ADAMTS12: variants seen among roughly 807,000 people sequenced by gnomAD.
The protein encoded by ADAMTS12 is ADAM metallopeptidase with thrombospondin type 1 motif 12.
Under a neutral mutation model 167.8 loss-of-function variants are expected in ADAMTS12, and 118 were observed. That is an observed-to-expected ratio of 0.70 (90% CI 0.61 to 0.82). The LOEUF (loss-of-function observed/expected upper bound fraction) is 0.82. Ranked by LOEUF, ADAMTS12 falls within the 40% of genes least tolerant of loss-of-function variation. The pLI, the probability that ADAMTS12 is intolerant of heterozygous loss-of-function variation, is 0.00. For missense variants in ADAMTS12, 1,916 were observed against 1,998.8 expected, an observed-to-expected ratio of 0.96 and a Z score of 0.79; for synonymous variants, 704 against 716.9, an observed-to-expected ratio of 0.98 and a Z score of 0.29.
intron 19 of ADAMTS12, among the ~76,000 whole-genome samples, chr5:33,570,142 G>A (rs1204843263): frequency 6.6e-6 from 1 of 152,114 alleles, no homozygotes; most frequent in Non-Finnish European, 1.5e-5. Flanking sequence ...AAAGTGACGG[G>A]GAGAATGGAA....
At chr5:33,759,142 T>G (rs1470277497) in intron 2 of ADAMTS12, among the ~76,000 whole-genome samples, 1 of 152,222 alleles carries the variant, frequency 6.6e-6, no homozygotes, top group Non-Finnish European at 1.5e-5. Context: ...ATCCCAGGCA[T>G]CTTCTTGGCC....
intron 2 of ADAMTS12, among the ~76,000 whole-genome samples, chr5:33,781,375 G>T (rs1430165160): frequency 6.6e-6 from 1 of 152,224 alleles, no homozygotes; most frequent in South Asian, 2.1e-4. Flanking sequence ...AAGTACATGA[G>T]AATCACACAG....
At chr5:33,796,172 C>A (rs1164752865) in intron 2 of ADAMTS12, among the ~76,000 whole-genome samples, 1 of 152,170 alleles carries the variant, frequency 6.6e-6, no homozygotes, top group Non-Finnish European at 1.5e-5. Context: ...CTGCCACTGC[C>A]ATCTTCTTCA....
chr5:33,734,528 T>C (rs924830486), intron 3 of ADAMTS12, among the ~76,000 whole-genome samples: 1 of 152,240 alleles, frequency 6.6e-6, no homozygotes, highest in Non-Finnish European at 1.5e-5. Flanking sequence ...ACAGCTAACA[T>C]GTTTTCCACA....
rs571371261 is a variant in ADAMTS12 at position 33,783,550 on chromosome 5, T to C, written c.490-32002A>G. Among the ~76,000 whole-genome samples the C allele has an allele frequency of 3.6e-3, 547 of 151,954 alleles. 6 individuals are homozygous for C. Among genetic ancestry groups the C allele is most frequent in the African/African-American group, 0.013 (530 of 41,542 alleles). ...ACAGAAATAAAAGAGAAAACATCAC[T>C]ATCTGCCCCGCAGAAATTAAAAGAA... On this transcript the variant is annotated intron_variant, in intron 2 of 23. Transcript: ENST00000504830.
At chr5:33,553,939 A>AC (rs1361761574) in intron 20 of ADAMTS12, among the ~76,000 whole-genome samples, 6 of 152,062 alleles carry the variant, frequency 3.9e-5, no homozygotes, top group African/African-American at 1.4e-4. Flanking sequence ...CCTTCTCCCC[A>AC]CCCCACTTTC....
intron 3 of ADAMTS12, among the ~76,000 whole-genome samples, chr5:33,739,477 A>ATGCATG (rs1744490547): frequency 6.6e-6 from 1 of 152,200 alleles, no homozygotes; most frequent in South Asian, 2.1e-4. Flanking sequence ...GTGTATGTGC[A>ATGCATG]TGTGCATGCA....
In ADAMTS12 at chr5:33,643,428, G is replaced by T. The variant is rs143654915; in HGVS notation, c.1522C>A (p.Arg508Ser). ...TLWCSVKGFC[R>S]SKLDAAADGT... is the part of the protein sequence containing the mutation. ...TCTGCAGCAGCGTCCAGCTTAGAGC[G>T]ACAAAAGCCCTTCACGGAGCACCAC... Residue 508 changes from arginine to serine, a missense_variant, in exon 10 of 24, where the codon CGC (arginine) becomes AGC (serine). Coordinates refer to ENST00000504830, the MANE Select transcript of ADAMTS12 (RefSeq NM_030955.4). 1 of 1,614,102 alleles carries T rather than the reference G, an allele frequency of 6.2e-7. No homozygotes were observed. The highest frequency in any genetic ancestry group is 1.1e-5 in the South Asian group (1 of 91,078).
At chr5:33,867,727 TATTA>T (rs1749879024) in intron 2 of ADAMTS12, among the ~76,000 whole-genome samples, 1 of 152,180 alleles carries the variant, frequency 6.6e-6, no homozygotes, top group African/African-American at 2.4e-5. Flanking sequence ...AAGTTAAAAT[TATTA>T]ATTGTGATGC....
intron 22 of ADAMTS12, 50 bp from the exon 23 acceptor site, chr5:33,535,042 A>G (rs537932798): frequency 7.9e-5 from 120 of 1,528,510 alleles, no homozygotes; most frequent in Non-Finnish European, 1.0e-4. Flanking sequence ...ACGACTCCCA[A>G]GGAAACACCA....
At chr5:33,748,227 CACCAAA>C (rs1744858555) in intron 3 of ADAMTS12, among the ~76,000 whole-genome samples, 1 of 152,180 alleles carries the variant, frequency 6.6e-6, no homozygotes, top group East Asian at 1.9e-4. Context: ...ATCATGTTCT[CACCAAA>C]AAGCCTTAGA....
intron 5 of ADAMTS12, among the ~76,000 whole-genome samples, chr5:33,678,689 G>A (rs982219110): frequency 6.6e-6 from 1 of 152,180 alleles, no homozygotes; most frequent in African/African-American, 2.4e-5. Flanking sequence ...AATAGCGAGA[G>A]ATGAGAAAGG....
At chr5:33,604,318 A>G (rs1738325230) in intron 16 of ADAMTS12, among the ~76,000 whole-genome samples, 1 of 152,172 alleles carries the variant, frequency 6.6e-6, no homozygotes, top group South Asian at 2.1e-4. Flanking sequence ...CCTGGCCAAC[A>G]TGGCGAAACC....
intron 18 of ADAMTS12, among the ~76,000 whole-genome samples, chr5:33,579,088 A>G (rs256649): frequency 0.2 from 30,702 of 152,204 alleles, 3,221 homozygotes; most frequent in Non-Finnish European, 0.23. Context: ...CCCTGGACCT[A>G]GAAAGGGAAG....
At chr5:33,808,015 G>C (rs1747306862) in intron 2 of ADAMTS12, among the ~76,000 whole-genome samples, 1 of 152,156 alleles carries the variant, frequency 6.6e-6, no homozygotes, top group Non-Finnish European at 1.5e-5. Context: ...GTTAGCAGTA[G>C]AGGACACGGT....
intron 3 of ADAMTS12, among the ~76,000 whole-genome samples, chr5:33,699,666 C>T (rs1337507263): frequency 1.3e-5 from 2 of 152,094 alleles, no homozygotes; most frequent in African/African-American, 2.4e-5. Context: ...TGCACATATG[C>T]TAAAAGCCAC....
chr5:33,726,850 G>T (rs557231375), intron 3 of ADAMTS12, among the ~76,000 whole-genome samples: 1 of 151,382 alleles, frequency 6.6e-6, no homozygotes, highest in African/African-American at 2.5e-5. Context: ...GTGGTGCCCC[G>T]CAGTTTATAA....
At chr5:33,801,685 G>A (rs943235050) in intron 2 of ADAMTS12, among the ~76,000 whole-genome samples, 7 of 152,202 alleles carry the variant, frequency 4.6e-5, no homozygotes, top group Non-Finnish European at 8.8e-5. Flanking sequence ...AAATGGTGCT[G>A]AAGGTACAAA....
In ADAMTS12 at chr5:33,625,436, C is replaced by T. The variant is rs553471117; in HGVS notation, c.2023-1085G>A. ...GCAATATGTTTGCATCAAGCTTGAG[C>T]ACCCTCTAATAAGCTGACATCTACA... On this transcript the variant is annotated intron_variant, in intron 13 of 23. Transcript: ENST00000504830. Among the ~76,000 whole-genome samples the T allele has an allele frequency of 2.6e-5, 4 of 152,286 alleles. No homozygotes were observed. In the South Asian group the frequency reaches 8.3e-4, roughly 32 times the overall value.
Sources: gnomAD v4.1 joint callset for allele counts (sites outside exome capture counted in the v4.1 genomes callset) on GRCh38, gnomAD v4.1.1 for gene constraint, MANE v1.5 for transcripts, NCBI Gene and HGNC (gene_info 2026-07-23, HGNC 2026-07-21) for gene names.